The following SLC13A3 variants were observed in gnomAD, a reference collection of about 807,000 sequenced individuals.
SLC13A3 encodes the protein solute carrier family 13 member 3.
SLC13A3 carries 40 observed loss-of-function variants against 59.0 expected under a neutral mutation model. That is an observed-to-expected ratio of 0.68 (90% CI 0.53 to 0.88). SLC13A3 has a LOEUF of 0.88. Ranked by LOEUF, SLC13A3 falls within the 40% of genes least tolerant of loss-of-function variation. SLC13A3 has a pLI of 0.00. For synonymous variants in SLC13A3, 317 were observed against 330.3 expected (o/e 0.96, Z 0.44); for missense variants, 699 against 783.2 (o/e 0.89, Z 1.28).
chr20:46,591,367 C>T (rs1322215629), intron 6 of SLC13A3, among the ~76,000 whole-genome samples: 3 of 152,160 alleles, frequency 2.0e-5, no homozygotes, highest in Non-Finnish European at 4.4e-5. Flanking sequence ...GAGGGGTTCT[C>T]ACTGCATACC....
chr20:46,608,491 A>T (rs2062458435), intron 3 of SLC13A3, among the ~76,000 whole-genome samples: 1 of 152,080 alleles, frequency 6.6e-6, no homozygotes, highest in Non-Finnish European at 1.5e-5. Flanking sequence ...CTCGTGGAAG[A>T]CTCTGCCGTT....
chr20:46,592,252 T>C (rs200282819), intron 6 of SLC13A3, 152 bp downstream of exon 6: 72 of 846,516 alleles, frequency 8.5e-5, no homozygotes, highest in Non-Finnish European at 1.2e-4. Context: ...TACATACATA[T>C]ATACATACCT....
chr20:46,577,323 A>G (rs1025314497), intron 9 of SLC13A3, among the ~76,000 whole-genome samples: 2 of 152,196 alleles, frequency 1.3e-5, no homozygotes, highest in Non-Finnish European at 2.9e-5. Context: ...AGCCCATGGT[A>G]TCTACATGCA....
In SLC13A3 at chr20:46,613,663, C is replaced by A; in HGVS notation, c.174G>T (p.Pro58=). 1 of 1,611,994 alleles carries A rather than the reference C, an allele frequency of 6.2e-7. No individual in the cohort carries two copies. The highest frequency in any genetic ancestry group is 8.5e-7 in the Non-Finnish European group (1 of 1,179,200). ...TGGGCAGCAGCGCCGTCACTGAGAG[C>A]GGCAGGGCCTCCGTGCACCAGTACA... The part of the protein sequence containing the change: ...MAVYWCTEAL[P]LSVTALLPIV... The change falls in exon 2 of 13, where the codon CCG becomes CCT. Residue 58 remains proline, a synonymous_variant. Coordinates refer to ENST00000279027, the MANE Select transcript of SLC13A3 (RefSeq NM_022829.6).
At chr20:46,656,313 T>A (rs1417469468), upstream of SLC13A3, among the ~76,000 whole-genome samples, 1 of 129,148 alleles carries the variant, frequency 7.7e-6, no homozygotes, top group Non-Finnish European at 1.6e-5. Flanking sequence ...ACAGTATATA[T>A]TATACTGTAT....
At chr20:46,615,033 A>ACCCT (rs1390773256) in intron 1 of SLC13A3, among the ~76,000 whole-genome samples, 1 of 152,170 alleles carries the variant, frequency 6.6e-6, no homozygotes. Flanking sequence ...CTGTCAAACT[A>ACCCT]CACACCTGTT....
intron 1 of SLC13A3, among the ~76,000 whole-genome samples, chr20:46,681,369 GA>G (rs1322546396): frequency 6.6e-6 from 1 of 152,108 alleles, no homozygotes; most frequent in Non-Finnish European, 1.5e-5. Context: ...GGGAGGGAGA[GA>G]GGGGCATGGA....
At chr20:46,626,478 T>C (rs2062673903) in intron 1 of SLC13A3, among the ~76,000 whole-genome samples, 1 of 152,044 alleles carries the variant, frequency 6.6e-6, no homozygotes, top group South Asian at 2.1e-4. Flanking sequence ...AGTTGGGAAG[T>C]CAATCCTTGG....
intron 1 of SLC13A3, among the ~76,000 whole-genome samples, chr20:46,676,411 CTTTTTTTTTTTTT>C (rs543970617): frequency 1.8e-5 from 2 of 108,484 alleles, no homozygotes; most frequent in Non-Finnish European, 1.8e-5. Flanking sequence ...TCTCTCAACT[CTTTTTTTTTTTTT>C]TTTTTTTTTT....
chr20:46,667,702 G>A (rs1327819272), intron 1 of SLC13A3, among the ~76,000 whole-genome samples: 2 of 152,154 alleles, frequency 1.3e-5, no homozygotes, highest in African/African-American at 4.8e-5. Flanking sequence ...CACTCAAACT[G>A]AGTTTCCTCA....
chr20:46,604,183 C>T (rs774433655), intron 3 of SLC13A3, among the ~76,000 whole-genome samples: 4 of 152,072 alleles, frequency 2.6e-5, no homozygotes, highest in Non-Finnish European at 4.4e-5. Flanking sequence ...AAAATCCCAA[C>T]ATCCCCCTCT....
At chr20:46,656,268 G>A (rs540994410), upstream of SLC13A3, among the ~76,000 whole-genome samples, 73 of 126,142 alleles carry the variant, frequency 5.8e-4, no homozygotes, top group Non-Finnish European at 8.9e-4. Context: ...TATATAGACT[G>A]TACAGTATAT....
At chr20:46,615,015 G>A (rs1298353918) in intron 1 of SLC13A3, among the ~76,000 whole-genome samples, 1 of 152,136 alleles carries the variant, frequency 6.6e-6, no homozygotes, top group Non-Finnish European at 1.5e-5. Context: ...GTGCACATTT[G>A]TCAAAACCTG....
intron 10 of SLC13A3, among the ~76,000 whole-genome samples, chr20:46,568,254 C>T (rs557658149): frequency 2.0e-5 from 3 of 151,578 alleles, no homozygotes; most frequent in South Asian, 2.1e-4. Flanking sequence ...AAAAATTAGC[C>T]AGGCGTGGTG....
intron 6 of SLC13A3, among the ~76,000 whole-genome samples, chr20:46,590,504 A>C (rs142218644): frequency 6.6e-6 from 1 of 152,240 alleles, no homozygotes; most frequent in Non-Finnish European, 1.5e-5. Flanking sequence ...AAAAATGTAT[A>C]AAAATATGAA....
intron 8 of SLC13A3, chr20:46,584,277 C>T (rs1028074362): frequency 1.0e-6 from 1 of 985,314 alleles, no homozygotes; most frequent in Non-Finnish European, 1.2e-6. Context: ...TGTTCAAGGG[C>T]AGACCCTGAG....
upstream of SLC13A3, among the ~76,000 whole-genome samples, chr20:46,654,263 T>C (rs138141459): frequency 4.6e-3 from 707 of 152,330 alleles, 4 homozygotes; most frequent in Non-Finnish European, 7.6e-3. Context: ...GAAATGTCTA[T>C]CCAGGGCCTT....
At chr20:46,630,555 G>A (rs1317694067) in intron 1 of SLC13A3, among the ~76,000 whole-genome samples, 1 of 152,146 alleles carries the variant, frequency 6.6e-6, no homozygotes, top group Non-Finnish European at 1.5e-5. Flanking sequence ...TGGCGAGGTG[G>A]GATTGTGGTC....
intron 10 of SLC13A3, among the ~76,000 whole-genome samples, chr20:46,572,987 A>T (rs996197217): frequency 2.6e-5 from 4 of 152,132 alleles, no homozygotes; most frequent in Non-Finnish European, 5.9e-5. Flanking sequence ...ACATGAGTTC[A>T]AATCTTACCT....
Sources: allele counts gnomAD v4.1 joint callset (sites outside exome capture counted in the v4.1 genomes callset), GRCh38; gene constraint gnomAD v4.1.1; transcripts MANE v1.5; gene names NCBI Gene and HGNC (gene_info 2026-07-23, HGNC 2026-07-21).